The following PLXNC1 variants were observed in gnomAD, a reference collection of about 807,000 sequenced individuals.
The protein encoded by PLXNC1 is plexin C1.
Under a neutral mutation model 178.2 loss-of-function variants are expected in PLXNC1, and 75 were observed. The observed-to-expected ratio is 0.42, with a 90% CI of 0.35 to 0.51. PLXNC1 has a LOEUF of 0.51. PLXNC1 is among the 20% of genes least tolerant of loss of function. The pLI, the probability that PLXNC1 is intolerant of heterozygous loss-of-function variation, is 0.02. For synonymous variants in PLXNC1, 790 were observed against 779.9 expected (o/e 1.01, Z -0.22); for missense variants, 1,503 against 1,984.4 (o/e 0.76, Z 4.61).
intron 2 of PLXNC1, among the ~76,000 whole-genome samples, chr12:94,180,018 T>G (rs1215240405): frequency 6.6e-6 from 1 of 152,130 alleles, no homozygotes; most frequent in African/African-American, 2.4e-5. Flanking sequence ...ATTATACTTC[T>G]CTAGCACTAT....
chr12:94,296,848 G>T (rs948607662), intron 24 of PLXNC1, among the ~76,000 whole-genome samples: 1 of 152,160 alleles, frequency 6.6e-6, no homozygotes, highest in Non-Finnish European at 1.5e-5. Context: ...GTGGGAACTG[G>T]GTCTTATTCA....
intron 9 of PLXNC1, 110 bp downstream of exon 9, chr12:94,227,345 C>T (rs1963973134): frequency 1.6e-6 from 1 of 619,498 alleles, no homozygotes. Context: ...TTACTTTCTA[C>T]CAAAATTCCC....
chr12:94,223,940 G>A (rs2136024496), intron 6 of PLXNC1, among the ~76,000 whole-genome samples: 1 of 152,296 alleles, frequency 6.6e-6, no homozygotes, highest in African/African-American at 2.4e-5. Context: ...GAGAGTATGA[G>A]ATGTAAATGA....
rs150496825 is a variant in PLXNC1, at chr12:94,296,403, C to T, written c.3935-786C>T. Among the ~76,000 whole-genome samples, 140 of 152,324 alleles carry T rather than the reference C, an allele frequency of 9.2e-4. 1 individual carries two copies. The highest frequency in any genetic ancestry group is 5.0e-3 in the East Asian group (26 of 5,176). On this transcript the variant is annotated intron_variant, in intron 24 of 30. Coordinates refer to ENST00000258526, the MANE Select transcript of PLXNC1 (RefSeq NM_005761.3). ...TCTTGAAATCTGGACTCAGGCAGTCCTCCTGCCTTGGCTTCCCAAAGTGCT... is the reference window on the plus strand; with the variant it reads ...TCTTGAAATCTGGACTCAGGCAGTCTTCCTGCCTTGGCTTCCCAAAGTGCT...
intron 4 of PLXNC1, among the ~76,000 whole-genome samples, chr12:94,194,492 C>T (rs187151938): frequency 2.8e-4 from 42 of 152,208 alleles, no homozygotes; most frequent in African/African-American, 9.9e-4. Context: ...GGCACATAAT[C>T]CTGGGATTAC....
intron 4 of PLXNC1, among the ~76,000 whole-genome samples, chr12:94,193,155 G>A (rs553530657): frequency 6.6e-6 from 1 of 152,304 alleles, no homozygotes; most frequent in African/African-American, 2.4e-5. Flanking sequence ...GTGTGGACGA[G>A]CTTCACATTA....
chr12:94,204,887 T>C (rs1418202163), intron 4 of PLXNC1, among the ~76,000 whole-genome samples: 9 of 152,202 alleles, frequency 5.9e-5, no homozygotes, highest in Non-Finnish European at 1.3e-4. Context: ...TCTGATATTA[T>C]ATCAGTGTAG....
chr12:94,285,638 C>T (rs764413256), intron 23 of PLXNC1, among the ~76,000 whole-genome samples: 11 of 152,118 alleles, frequency 7.2e-5, no homozygotes, highest in Non-Finnish European at 1.3e-4. Flanking sequence ...GCATCTTTGG[C>T]TGTATTTGGA....
Position 94,214,020 on chromosome 12 carries a change from C to T in PLXNC1, c.1554+4316C>T, listed in dbSNP as rs575010181. 1.2e-4 allele frequency among the ~76,000 whole-genome samples: 19 copies of T among 152,144 alleles called. No individual in the cohort carries two copies. In the South Asian group the frequency reaches 3.1e-3, roughly 25 times the overall value. ...TAGCTAGGATTACAGGCACATGCCA[C>T]CACGCCCGGCTAATTGGAATAAAAG... On this transcript the variant is annotated intron_variant, in intron 5 of 30. Transcript: ENST00000258526.
chr12:94,187,192 G>GGA (rs1555196784), intron 4 of PLXNC1, among the ~76,000 whole-genome samples: 1 of 148,586 alleles, frequency 6.7e-6, no homozygotes, highest in East Asian at 2.0e-4. Flanking sequence ...GAGAGAGAGA[G>GGA]AAAAAAAAAC....
At chr12:94,200,391 A>G (rs1397222092) in intron 4 of PLXNC1, among the ~76,000 whole-genome samples, 1 of 152,136 alleles carries the variant, frequency 6.6e-6, no homozygotes, top group Non-Finnish European at 1.5e-5. Flanking sequence ...ATATCCAAAC[A>G]CAATGTTCAG....
intron 9 of PLXNC1, among the ~76,000 whole-genome samples, chr12:94,229,940 T>TAATACTTAAC: frequency 6.6e-6 from 1 of 152,222 alleles, no homozygotes; most frequent in South Asian, 2.1e-4. Flanking sequence ...TAATACTTAA[T>TAATACTTAAC]ATCTTTTACC....
intron 4 of PLXNC1, among the ~76,000 whole-genome samples, chr12:94,202,488 G>A (rs1365041728): frequency 6.6e-6 from 1 of 152,242 alleles, no homozygotes; most frequent in Non-Finnish European, 1.5e-5. Flanking sequence ...GCAGTATGCT[G>A]TGTAGAGTAG....
intron 18 of PLXNC1, 41 bp from the exon 19 acceptor site, chr12:94,259,569 A>G (rs1299185250): frequency 7.8e-6 from 11 of 1,409,670 alleles, no homozygotes; most frequent in Non-Finnish European, 1.0e-5. Flanking sequence ...AAACTTATAT[A>G]TGATTTTGTA....
chr12:94,274,530 C>T (rs1003363136), intron 21 of PLXNC1, among the ~76,000 whole-genome samples: 3 of 152,126 alleles, frequency 2.0e-5, no homozygotes, highest in Non-Finnish European at 2.9e-5. Flanking sequence ...GATCTGCCAC[C>T]GCAGCTTACT....
intron 21 of PLXNC1, chr12:94,276,841 CCAGAACATAAAGGTT>C (rs1371020983): frequency 1.3e-5 from 2 of 152,078 alleles, no homozygotes; most frequent in South Asian, 2.1e-4. Context: ...GGTGGCTGGC[CCAGAACATAAAGGTT>C]CTCTGAGAGC....
At chr12:94,171,236 G>A (rs1961831683) in intron 2 of PLXNC1, among the ~76,000 whole-genome samples, 1 of 152,208 alleles carries the variant, frequency 6.6e-6, no homozygotes, top group Admixed American at 6.5e-5. Flanking sequence ...TCATGCTGCT[G>A]AGGAGGCCGC....
intron 7 of PLXNC1, 90 bp downstream of exon 7, chr12:94,224,405 T>C (rs1271965545): frequency 4.9e-6 from 4 of 823,668 alleles, no homozygotes; most frequent in Non-Finnish European, 8.4e-6. Flanking sequence ...AACTCTTTTG[T>C]GAGACAGAAC....
At chr12:94,299,044 G>C (rs924323755) in intron 27 of PLXNC1, among the ~76,000 whole-genome samples, 1 of 152,168 alleles carries the variant, frequency 6.6e-6, no homozygotes, top group African/African-American at 2.4e-5. Flanking sequence ...ACTTTGTCTA[G>C]AATGTTAAAA....
Sources: allele counts gnomAD v4.1 joint callset (sites outside exome capture counted in the v4.1 genomes callset), GRCh38; gene constraint gnomAD v4.1.1; transcripts MANE v1.5; gene names NCBI Gene and HGNC (gene_info 2026-07-23, HGNC 2026-07-21).